MGAM: variants seen among roughly 807,000 people sequenced by gnomAD.
MGAM encodes maltase-glucoamylase, also known as alpha-1,4-glucosidase.
In MGAM, 253 loss-of-function variants were observed where a neutral mutation model predicts 358.8. The observed-to-expected ratio is 0.71, with a 90% CI of 0.64 to 0.78. MGAM has a LOEUF of 0.78. Among genes scored for constraint, MGAM ranks in the 30% least tolerant of loss-of-function variants. The probability of loss-of-function intolerance (pLI) is 0.00; values close to 1 mark genes in which losing one functional copy is unlikely to be tolerated. For missense variants in MGAM, 3,080 were observed against 3,432.6 expected (o/e 0.90, Z 2.57); for synonymous variants, 1,105 against 1,227.1 (o/e 0.90, Z 2.08).
At chr7:142,023,236 A>AT (rs1187344257) in intron 7 of MGAM, among the ~76,000 whole-genome samples, 3 of 151,108 alleles carry the variant, frequency 2.0e-5, no homozygotes, top group Admixed American at 2.0e-4. Flanking sequence ...AAATTTTTGT[A>AT]TTTTTTTTGT....
chr7:142,034,185 C>A, intron 14 of MGAM, 77 bp from the exon 15 acceptor site: 1 of 985,126 alleles, frequency 1.0e-6, no homozygotes, highest in Non-Finnish European at 1.5e-6. Flanking sequence ...AGGGGGCTGT[C>A]ATTTCGGATT....
chr7:142,090,118 A>G (rs1449047892), intron 57 of MGAM, among the ~76,000 whole-genome samples: 1 of 146,178 alleles, frequency 6.8e-6, no homozygotes, highest in Non-Finnish European at 1.5e-5. Context: ...CACTGTTTGA[A>G]GACTGGAGAA....
chr7:142,004,994 A>G (rs1348867664), intron 1 of MGAM, among the ~76,000 whole-genome samples: 1 of 152,104 alleles, frequency 6.6e-6, no homozygotes, highest in East Asian at 1.9e-4. Flanking sequence ...GGGTAGAGAA[A>G]CATGTTAGCA....
chr7:142,052,164 G>A (rs756037439), intron 24 of MGAM, 130 bp from the exon 25 acceptor site: 1 of 780,210 alleles, frequency 1.3e-6, no homozygotes, highest in Non-Finnish European at 2.0e-6. Context: ...ATAAGCTAAA[G>A]TCATATGTTG....
In MGAM at chr7:142,076,185, T is replaced by C. The variant is rs1027261709; in HGVS notation, c.5276-18T>C. On this transcript the variant is annotated intron_variant, in intron 45 of 70. Coordinates refer to ENST00000475668, the MANE Select transcript of MGAM (RefSeq NM_001365693.1). ...GGTGGGCAAGCCGGAGTCTGACTTG[T>C]CTTTCTGTCACTTTCAGATACTGTG... The C allele has an allele frequency of 9.1e-6, 14 of 1,537,072 alleles. 1 individual carries two copies. The highest frequency in any genetic ancestry group is 1.3e-5 in the African/African-American group (1 of 74,530).
chr7:142,075,930 C>T (rs1813696600), intron 45 of MGAM, among the ~76,000 whole-genome samples: 1 of 146,134 alleles, frequency 6.8e-6, no homozygotes, highest in Non-Finnish European at 1.5e-5. Context: ...ATTCCCACTT[C>T]TGGGTGTATA....
chr7:141,989,837 T>C (rs1554446913), intron 2 of MGAM, among the ~76,000 whole-genome samples: 1 of 152,190 alleles, frequency 6.6e-6, no homozygotes, highest in Non-Finnish European at 1.5e-5. Flanking sequence ...TGTTTGACAA[T>C]TTCATACTAA....
intron 68 of MGAM, 86 bp from the exon 69 acceptor site, chr7:142,102,544 G>A: frequency 8.1e-7 from 1 of 1,234,536 alleles, no homozygotes; most frequent in Non-Finnish European, 1.1e-6. Context: ...AGACAAGTAG[G>A]CAATTAGAAC....
chr7:142,092,617 C>A lies in MGAM; in HGVS notation c.7033+9C>A. ...CCCTCCCTACATGCCGTGTAAGAAT[C>A]CTTGGCCTTCTTGATTGGCAGAGCC... On this transcript the variant is annotated intron_variant, in intron 59 of 70. Transcript: ENST00000475668. 1 of 1,526,132 alleles carries A rather than the reference C, an allele frequency of 6.6e-7. No homozygotes were observed. Among genetic ancestry groups the A allele is most frequent in the Non-Finnish European group, 9.0e-7 (1 of 1,114,694 alleles). 94.5% of individuals were successfully genotyped at this position (1,526,132 alleles called of 1,614,324 possible). A position where few individuals can be genotyped will look rare whatever the true frequency, so the allele number is the denominator to read the frequency against.
At chr7:142,088,224 A>G (rs1262711833) in intron 57 of MGAM, among the ~76,000 whole-genome samples, 1 of 146,230 alleles carries the variant, frequency 6.8e-6, no homozygotes, top group South Asian at 2.2e-4. Flanking sequence ...TTGATTTAAA[A>G]TGAGACACAC....
intron 41 of MGAM, among the ~76,000 whole-genome samples, 163 bp downstream of exon 41, chr7:142,066,884 A>G (rs2129044833): frequency 6.8e-6 from 1 of 146,598 alleles, no homozygotes; most frequent in South Asian, 2.2e-4. Context: ...GCACAGTGTT[A>G]TACATACCGT....
At chr7:142,103,975 C>G (rs903511169) in intron 70 of MGAM, among the ~76,000 whole-genome samples, 5 of 151,896 alleles carry the variant, frequency 3.3e-5, no homozygotes, top group Non-Finnish European at 7.4e-5. Flanking sequence ...TCTTCTGCCT[C>G]CCAAGTAGCT....
intron 49 of MGAM, among the ~76,000 whole-genome samples, chr7:142,079,323 A>G (rs933267928): frequency 4.1e-5 from 6 of 145,588 alleles, no homozygotes; most frequent in African/African-American, 9.8e-5. Flanking sequence ...ATGAAGGTGG[A>G]GAACAGTGCA....
Position 142,103,354 on chromosome 7 carries a change from T to G in MGAM, c.8099T>G (p.Val2700Gly). Reference protein sequence around the residue: ...LKLGYIEIWGVGSVPVTSVSI... With the variant: ...LKLGYIEIWGGGSVPVTSVSI... Reference sequence around the variant, plus strand: ...CTGGGCTACATTGAAATCTGGGGAGTGGGCAGTGTCCCCGTTACCAGTGTC... The same window carrying G: ...CTGGGCTACATTGAAATCTGGGGAGGGGGCAGTGTCCCCGTTACCAGTGTC... Residue 2700 changes from valine to glycine, a missense_variant, in exon 70 of 71, where the codon GTG becomes GGG. By Grantham distance (109) the Val-to-Gly change is moderately radical (BLOSUM62 -3). Around this residue, in one of 5 missense-constraint regions of MGAM, gnomAD observed 194 missense variants for 172.8 expected, o/e 1.12. Transcript: ENST00000475668. 1 of 1,613,048 alleles carries G rather than the reference T, an allele frequency of 6.2e-7. No homozygotes were observed. Among genetic ancestry groups the G allele is most frequent in the Non-Finnish European group, 8.5e-7 (1 of 1,179,442 alleles).
At chr7:142,010,241 A>G (rs1480844622) in intron 3 of MGAM, among the ~76,000 whole-genome samples, 1 of 152,058 alleles carries the variant, frequency 6.6e-6, no homozygotes, top group Non-Finnish European at 1.5e-5. Flanking sequence ...AGAAAAAAAG[A>G]TCACTCGATT....
At chr7:142,042,000 TA>T (rs1808781477) in intron 21 of MGAM, among the ~76,000 whole-genome samples, 2 of 13,072 alleles carry the variant, frequency 1.5e-4, no homozygotes, top group African/African-American at 3.3e-4. Flanking sequence ...ATATATATAT[TA>T]TATATATAAT....
intron 26 of MGAM, 101 bp from the exon 27 acceptor site, chr7:142,054,653 C>T: frequency 8.1e-7 from 1 of 1,233,552 alleles, no homozygotes; most frequent in Non-Finnish European, 1.1e-6. Context: ...AAGATAGAAA[C>T]ATAGCATCTG....
chr7:142,041,967 A>AT (rs1808737467), intron 21 of MGAM, among the ~76,000 whole-genome samples: 3 of 25,290 alleles, frequency 1.2e-4, no homozygotes, highest in Non-Finnish European at 1.5e-4. Flanking sequence ...TAATATATAT[A>AT]TATTATATAT....
chr7:142,074,101 G>A lies in MGAM; in HGVS notation c.5203G>A (p.Gly1735Ser). 1.3e-6 allele frequency: 2 copies of A among 1,542,352 alleles called. 1 individual carries two copies. Among genetic ancestry groups the A allele is most frequent in the Non-Finnish European group, 1.8e-6 (2 of 1,123,852 alleles). ...NTHLSRKNPL[G>S]LIIALDENKE... The stretch of plus-strand genomic sequence containing the variant: ...TCCCCACAGTCGAAAGAACCCTCTT[G>A]GTCTTATTATTGCCCTAGATGAAAA... The change falls in exon 45 of 71, where the codon GGT becomes AGT. Residue 1735 changes from glycine to serine, a missense_variant. Coordinates refer to ENST00000475668, the MANE Select transcript of MGAM (RefSeq NM_001365693.1).
Sources: gnomAD v4.1 joint callset for allele counts (sites outside exome capture counted in the v4.1 genomes callset) on GRCh38, gnomAD v4.1.1 for gene constraint, gnomAD v4.1.1 regional missense constraint, MANE v1.5 for transcripts, NCBI Gene and HGNC (gene_info 2026-07-23, HGNC 2026-07-21) for gene names.